CERS2: variants seen among roughly 807,000 people sequenced by gnomAD.
The protein encoded by CERS2 is ceramide synthase 2.
In CERS2, 20 loss-of-function variants were observed where a neutral mutation model predicts 56.6. The observed-to-expected ratio is 0.35, with a 90% CI of 0.25 to 0.51. The LOEUF is 0.51. CERS2 is among the 20% of genes least tolerant of loss of function. The pLI, the probability that CERS2 is intolerant of heterozygous loss-of-function variation, is 0.96. For synonymous variants in CERS2, 187 were observed against 175.4 expected, an observed-to-expected ratio of 1.07 and a Z score of -0.52; for missense variants, 361 against 488.6, an observed-to-expected ratio of 0.74 and a Z score of 2.46.
At chr1:150,967,029 A>T in intron 8 of CERS2, 45 bp downstream of exon 8, 1 of 1,608,692 alleles carries the variant, frequency 6.2e-7, no homozygotes, top group Non-Finnish European at 8.5e-7. Flanking sequence ...AACCAAAGGG[A>T]CAGAAGAACC....
chr1:150,967,300 C>A, intron 7 of CERS2, 92 bp downstream of exon 7: 1 of 1,441,448 alleles, frequency 6.9e-7, no homozygotes, highest in Non-Finnish European at 9.8e-7. Flanking sequence ...ACCAACAGCT[C>A]CATTCAGAGT....
intron 2 of CERS2, 47 bp from the exon 3 acceptor site, chr1:150,968,559 AG>A (rs775600126): frequency 6.9e-7 from 1 of 1,454,324 alleles, no homozygotes; most frequent in Non-Finnish European, 9.7e-7. Context: ...GGGAAGGGAA[AG>A]GGCTGCAAGC....
At chr1:150,967,643 A>G (rs1281202978) in intron 6 of CERS2, 21 bp downstream of exon 6, 3 of 1,603,808 alleles carry the variant, frequency 1.9e-6, no homozygotes, top group South Asian at 2.2e-5. Flanking sequence ...CCACCCCCAC[A>G]TGAGGAAGCA....
intron 1 of CERS2, among the ~76,000 whole-genome samples, chr1:150,969,559 C>T (rs1363358849): frequency 2.1e-5 from 3 of 139,938 alleles, no homozygotes; most frequent in African/African-American, 8.0e-5. Flanking sequence ...TAGGTGACAG[C>T]GAGACTGTCT....
intron 2 of CERS2, 33 bp downstream of exon 2, chr1:150,968,885 G>T: frequency 6.3e-7 from 1 of 1,597,588 alleles, no homozygotes; most frequent in South Asian, 1.1e-5. Flanking sequence ...ACTGGCAACA[G>T]GGGAAGGCAT....
rs1671110012 is a variant in CERS2, at chr1:150,969,038, ACAGG to A, written c.49_52del (p.Pro17Ter). On this transcript the variant is annotated frameshift_variant, in exon 2 of 11. Transcript: ENST00000368954. LOFTEE classifies it high-confidence loss of function. The stretch of plus-strand genomic sequence containing the variant: ...TTCTAGATCGGCCCAGGTCAAGTTC[ACAGG>A]CAGCCACAGACGTTCCCACCAGAAG... 2.5e-6 allele frequency: 4 copies of A among 1,614,182 alleles called. No individual in the cohort carries two copies. The highest frequency in any genetic ancestry group is 3.4e-6 in the Non-Finnish European group (4 of 1,180,030).
chr1:150,968,701 G>A (rs1047962077), intron 2 of CERS2, among the ~76,000 whole-genome samples, 189 bp from the exon 3 acceptor site: 3 of 152,164 alleles, frequency 2.0e-5, no homozygotes, highest in Non-Finnish European at 4.4e-5. Flanking sequence ...GGCGGGTAGA[G>A]GGTGAGAACA....
intron 3 of CERS2, 36 bp downstream of exon 3, chr1:150,968,357 CAG>C (rs1558032682): frequency 6.4e-7 from 1 of 1,559,170 alleles, no homozygotes; most frequent in East Asian, 2.2e-5. Flanking sequence ...CCACCAAACT[CAG>C]TGATTCCCAG....
Position 150,965,394 on chromosome 1 carries a change from A to C in CERS2, c.*754T>G, listed in dbSNP as rs1395103444. Reference sequence around the variant, plus strand: ...TCTGGCTTTAAAACCAAAACCCCAAATATTTAATAAATAAAAATTAGAATT... The same window carrying C: ...TCTGGCTTTAAAACCAAAACCCCAACTATTTAATAAATAAAAATTAGAATT... On this transcript the variant is annotated 3_prime_UTR_variant, in exon 11 of 11. Transcript: ENST00000368954. 1 of 152,606 alleles carries C rather than the reference A, an allele frequency of 6.6e-6. No individual in the cohort carries two copies. Among genetic ancestry groups the C allele is most frequent in the African/African-American group, 2.4e-5 (1 of 41,446 alleles). The allele number at this position is 152,606 out of a possible 1,614,324, so 9.5% of individuals were successfully genotyped here.
chr1:150,973,813 G>A (rs1671242997), intron 1 of CERS2: 1 of 152,306 alleles, frequency 6.6e-6, no homozygotes, highest in African/African-American at 2.4e-5. Flanking sequence ...TGGCAACTCA[G>A]GTGACTGAAA....
rs769922329 is a variant in CERS2, at chr1:150,968,345, C to T, written c.291+50G>A. Reference sequence around the variant, plus strand: ...AGCTAACATTCAAACCCTGTCCCCCCACCACCAAACTCAGTGATTCCCAGA... The same window carrying T: ...AGCTAACATTCAAACCCTGTCCCCCTACCACCAAACTCAGTGATTCCCAGA... On this transcript the variant is annotated intron_variant, in intron 3 of 10. Coordinates refer to ENST00000368954, the MANE Select transcript of CERS2 (RefSeq NM_022075.5). The T allele has an allele frequency of 4.6e-6, 7 of 1,533,198 alleles. No homozygotes were observed. In the South Asian group the frequency reaches 6.7e-5, roughly 15 times the overall value. The allele number at this position is 1,533,198 out of a possible 1,614,324, so 95.0% of individuals were successfully genotyped here.
chr1:150,967,928 G>A (rs1345507511), intron 4 of CERS2, 51 bp from the exon 5 acceptor site: 1 of 1,497,566 alleles, frequency 6.7e-7, no homozygotes, highest in Non-Finnish European at 9.3e-7. Context: ...CAGTCCCCCA[G>A]CAGCCCCCAA....
At chr1:150,969,952 G>C (rs1365776959) in intron 1 of CERS2, among the ~76,000 whole-genome samples, 1 of 152,148 alleles carries the variant, frequency 6.6e-6, no homozygotes, top group Non-Finnish European at 1.5e-5. Flanking sequence ...AGGGTAGGCT[G>C]GGCAGTAGCT....
Position 150,967,719 on chromosome 1 carries a change from A to G in CERS2, c.469-5T>C. The G allele has an allele frequency of 6.2e-7, 1 of 1,613,888 alleles. No homozygotes were observed. The highest frequency in any genetic ancestry group is 8.5e-7 in the Non-Finnish European group (1 of 1,179,750). ...CATGTCATAGAACCAGGGTTTCTGC[A>G]GAGAGATGGTGAGAAGTTAAAAGAG... On this transcript the variant is annotated splice_region_variant and splice_polypyrimidine_tract_variant and intron_variant, in intron 5 of 10. Coordinates refer to ENST00000368954, the MANE Select transcript of CERS2 (RefSeq NM_022075.5).
chr1:150,967,667 T>C lies in CERS2; in HGVS notation c.516A>G (p.Ile172Met), dbSNP rs370622852. The change falls in exon 6 of 11, where the codon ATA becomes ATG. Residue 172 changes from isoleucine to methionine, a missense_variant. By Grantham distance (10) the Ile-to-Met change is conservative. Around this residue, in one of 3 missense-constraint regions of CERS2, gnomAD observed 236 missense variants for 309.2 expected, o/e 0.76. Coordinates refer to ENST00000368954, the MANE Select transcript of CERS2 (RefSeq NM_022075.5). ...DMKKVWEGYP[I>M]QSTIPSQYWY... ...CATGAGGAAGCAGAACTCATACCTG[T>C]ATGGGATATCCCTCCCAAACTTTCT... is the stretch of plus-strand genomic sequence containing the variant. 3.1e-5 allele frequency: 50 copies of C among 1,612,836 alleles called. No individual in the cohort carries two copies. The highest frequency in any genetic ancestry group is 3.9e-5 in the Non-Finnish European group (46 of 1,178,932).
chr1:150,968,171 C>T lies in CERS2; in HGVS notation c.322G>A (p.Gly108Arg), dbSNP rs763440395. The change falls in exon 4 of 11, where the codon GGG becomes AGG. Residue 108 changes from glycine (G) to arginine (R), a missense_variant. Gly to Arg is a moderately radical substitution (Grantham distance 125). This residue lies in a region of CERS2 where 236 missense variants were observed against 309.2 expected (regional missense o/e 0.76). Coordinates refer to ENST00000368954, the MANE Select transcript of CERS2 (RefSeq NM_022075.5). ...VEVELLSRQS[G>R]LSGRQVERWF... is the part of the protein sequence containing the mutation. ...CGCTCTACCTGGCGGCCAGAGAGCC[C>T]GCTCTGCCGGGACAAAAGCTCTACT... 45 of 1,609,330 alleles carry T rather than the reference C, an allele frequency of 2.8e-5. No individual in the cohort carries two copies. The highest frequency in any genetic ancestry group is 3.4e-5 in the Non-Finnish European group (40 of 1,180,016).
In CERS2 at chr1:150,966,033, AACTCTCCTCTC is replaced by A; in HGVS notation, c.*104_*114del. On this transcript the variant is annotated 3_prime_UTR_variant, in exon 11 of 11. Transcript: ENST00000368954. ...ACAAGCAAGGAGGGAGGATGCAGAGAACTCTCCTCTCACTTTCTCCTTTTTCCCCAGAGCTT... is the reference window on the plus strand; with the variant it reads ...ACAAGCAAGGAGGGAGGATGCAGAGAACTTTCTCCTTTTTCCCCAGAGCTT... 1 of 1,092,262 alleles carries A rather than the reference AACTCTCCTCTC, an allele frequency of 9.2e-7. No homozygotes were observed. The highest frequency in any genetic ancestry group is 1.3e-6 in the Non-Finnish European group (1 of 774,168). The allele number at this position is 1,092,262 out of a possible 1,614,324, so 67.7% of individuals were successfully genotyped here. A position where few individuals can be genotyped will look rare whatever the true frequency, so the allele number is the denominator to read the frequency against.
chr1:150,968,204 G>A lies in CERS2; in HGVS notation c.292-3C>T. ...CGGGACAAAAGCTCTACTTCCACCT[G>A]GGCACAGTGAAGAAGCCCATTGTTA... On this transcript the variant is annotated splice_polypyrimidine_tract_variant and splice_region_variant and intron_variant, in intron 3 of 10. Transcript: ENST00000368954. The A allele has an allele frequency of 6.2e-7, 1 of 1,608,766 alleles. No individual in the cohort carries two copies. Among genetic ancestry groups the A allele is most frequent in the South Asian group, 1.1e-5 (1 of 91,068 alleles).
chr1:150,967,818 AC>A lies in CERS2; in HGVS notation c.468+1del, dbSNP rs1334966661. ...TCCCACCTCCCAGTAATCCCCACTC[AC>A]ATCCACAATGACGGCCATGCCGGCA... On this transcript the variant is annotated splice_donor_variant, in intron 5 of 10. Coordinates refer to ENST00000368954, the MANE Select transcript of CERS2 (RefSeq NM_022075.5). LOFTEE classifies it high-confidence loss of function. 6.2e-7 allele frequency: 1 copy of A among 1,613,214 alleles called. No individual in the cohort carries two copies. Among genetic ancestry groups the A allele is most frequent in the Non-Finnish European group, 8.5e-7 (1 of 1,179,302 alleles).
Sources: allele counts gnomAD v4.1 joint callset (sites outside exome capture counted in the v4.1 genomes callset), GRCh38; gene constraint gnomAD v4.1.1; regional missense constraint gnomAD v4.1.1; transcripts MANE v1.5; gene names NCBI Gene and HGNC (gene_info 2026-07-23, HGNC 2026-07-21).